The following ZNF486 variants were observed in gnomAD, a reference collection of about 807,000 sequenced individuals.
ZNF486 encodes the protein zinc finger protein 486.
ZNF486 carries 12 observed loss-of-function variants against 12.8 expected under a neutral mutation model. The ratio of observed to expected loss-of-function variants is 0.94; its 90% CI spans 0.60 to 1.52. The LOEUF is 1.52. Ranked by LOEUF, ZNF486 falls within the 40% of genes most tolerant of loss-of-function variation. The probability of loss-of-function intolerance (pLI) is 0.00; values close to 1 mark genes in which losing one functional copy is unlikely to be tolerated. For synonymous variants in ZNF486, 231 were observed against 184.9 expected (o/e 1.25, Z -2.02); for missense variants, 738 against 545.0 (o/e 1.35, Z -3.53).
intron 3 of ZNF486, among the ~76,000 whole-genome samples, chr19:20,194,555 T>A (rs1338191055): frequency 6.6e-6 from 1 of 152,220 alleles, no homozygotes; most frequent in East Asian, 1.9e-4. Context: ...GGTGAAACCC[T>A]GTTTGTACTG....
chr19:20,184,561 T>G lies in ZNF486; in HGVS notation c.157+79T>G, dbSNP rs186544497. ...CTTTTTTGCAGAATGATTTTAGTAA[T>G]TTATCCTTTGCATAAAAGAGTTCCA... On this transcript the variant is annotated intron_variant, in intron 2 of 3. Transcript: ENST00000335117. The G allele has an allele frequency of 6.7e-5, 98 of 1,462,632 alleles. No homozygotes were observed. The East Asian group carries it at 2.3e-3, about 34-fold the overall frequency. The allele number at this position is 1,462,632 out of a possible 1,614,324, so 90.6% of individuals were successfully genotyped here.
At chr19:20,182,866 G>A (rs997487972) in intron 1 of ZNF486, among the ~76,000 whole-genome samples, 1 of 152,030 alleles carries the variant, frequency 6.6e-6, no homozygotes, top group Non-Finnish European at 1.5e-5. Context: ...TTTTTCCAGA[G>A]AATCTCATCT....
intron 1 of ZNF486, among the ~76,000 whole-genome samples, chr19:20,183,866 T>C (rs1396399237): frequency 1.3e-5 from 2 of 152,142 alleles, no homozygotes; most frequent in African/African-American, 4.8e-5. Flanking sequence ...AAAATATCAT[T>C]TTTGGGACAA....
In ZNF486 at chr19:20,167,275, G is replaced by C. The variant is rs374867953; in HGVS notation, c.-56G>C. The C allele has an allele frequency of 5.6e-6, 9 of 1,606,580 alleles. No homozygotes were observed. In the African/African-American group the frequency reaches 1.2e-4, roughly 21 times the overall value. On this transcript the variant is annotated 5_prime_UTR_variant, in exon 1 of 4. Transcript: ENST00000335117. ...CGCTACTCTGTGTCCTCTGCTCCTA[G>C]AGGCCCACCCTCTGTGGCCCTGTGT...
At position 20,197,976 on chromosome 19, in the gene ZNF486, T is replaced by A. The variant is rs1555718383; in HGVS notation, c.1266T>A (p.Thr422=). 6.2e-7 allele frequency: 1 copy of A among 1,613,792 alleles called. No individual in the cohort carries two copies. Among genetic ancestry groups the A allele is most frequent in the Admixed American group, 1.7e-5 (1 of 59,956 alleles). ...CGTATACTACATCCTCAAATCTAAC[T>A]GAACATAAGACAACTCATACTGGAG... ...GKAYTTSSNL[T]EHKTTHTGEK... The change falls in exon 4 of 4, where the codon ACT becomes ACA. Residue 422 remains threonine (T), a synonymous_variant. Coordinates refer to ENST00000335117, the MANE Select transcript of ZNF486 (RefSeq NM_052852.4).
At chr19:20,173,358 C>A (rs1333347786) in intron 1 of ZNF486, among the ~76,000 whole-genome samples, 1 of 152,126 alleles carries the variant, frequency 6.6e-6, no homozygotes, top group African/African-American at 2.4e-5. Flanking sequence ...TGTCAAAAAT[C>A]TGATGATTAT....
intron 1 of ZNF486, among the ~76,000 whole-genome samples, chr19:20,178,858 A>G (rs2089753020): frequency 6.6e-6 from 1 of 152,206 alleles, no homozygotes; most frequent in Non-Finnish European, 1.5e-5. Flanking sequence ...ACAGATTCAG[A>G]GACCATGGGG....
chr19:20,171,338 T>C (rs1413979796), intron 1 of ZNF486, among the ~76,000 whole-genome samples: 17 of 152,188 alleles, frequency 1.1e-4, no homozygotes, highest in Admixed American at 1.1e-3. Flanking sequence ...CCCCCTTTTA[T>C]TGCAGCTATC....
Position 20,197,964 on chromosome 19 carries a change from C to T in ZNF486, c.1254C>T (p.Ser418=). Residue 418 remains serine (S), a synonymous_variant, in exon 4 of 4, where the codon TCC becomes TCT. Coordinates refer to ENST00000335117, the MANE Select transcript of ZNF486 (RefSeq NM_052852.4). ...CEECGKAYTT[S]SNLTEHKTTH... is the part of the protein sequence containing the mutation. The stretch of plus-strand genomic sequence containing the variant: ...AATGTGGCAAAGCGTATACTACATC[C>T]TCAAATCTAACTGAACATAAGACAA... 6.2e-7 allele frequency: 1 copy of T among 1,613,650 alleles called. No homozygotes were observed. Among genetic ancestry groups the T allele is most frequent in the Admixed American group, 1.7e-5 (1 of 59,964 alleles).
chr19:20,171,710 A>G (rs1488726554), intron 1 of ZNF486, among the ~76,000 whole-genome samples: 1 of 151,820 alleles, frequency 6.6e-6, no homozygotes, highest in Non-Finnish European at 1.5e-5. Flanking sequence ...CCCAGGAATT[A>G]TTTTTTTTCT....
intron 1 of ZNF486, chr19:20,176,206 G>A (rs1414732179): frequency 6.4e-5 from 12 of 186,132 alleles, no homozygotes; most frequent in South Asian, 8.2e-5. Flanking sequence ...GGGCAGAGGC[G>A]CTCCCCACAT....
Position 20,182,742 on chromosome 19 carries a change from C to A in ZNF486, c.31-1614C>A, listed in dbSNP as rs570944968. Among the ~76,000 whole-genome samples, 6 of 152,184 alleles carry A rather than the reference C, an allele frequency of 3.9e-5. No individual in the cohort carries two copies. In the East Asian group the frequency reaches 1.2e-3, roughly 29 times the overall value. On this transcript the variant is annotated intron_variant, in intron 1 of 3. Coordinates refer to ENST00000335117, the MANE Select transcript of ZNF486 (RefSeq NM_052852.4). ...ATTGTTCCCTGAATCTCTTCTGTTT[C>A]AAAGGACAGAAATAGGTGGGCTTTT...
At chr19:20,170,667 G>T (rs184661511) in intron 1 of ZNF486, among the ~76,000 whole-genome samples, 27 of 152,226 alleles carry the variant, frequency 1.8e-4, no homozygotes, top group African/African-American at 6.3e-4. Context: ...GTCTGGCTGT[G>T]TGACAGGTAA....
At chr19:20,178,128 A>AG (rs1555715095) in intron 1 of ZNF486, among the ~76,000 whole-genome samples, 5 of 123,264 alleles carry the variant, frequency 4.1e-5, no homozygotes, top group East Asian at 2.6e-4. Flanking sequence ...GGGTTTTACC[A>AG]TGTTGGCCAG....
intron 1 of ZNF486, among the ~76,000 whole-genome samples, chr19:20,183,000 C>T (rs2089803050): frequency 6.6e-6 from 1 of 152,132 alleles, no homozygotes; most frequent in African/African-American, 2.4e-5. Context: ...TACTCACAAA[C>T]CTTTACTTCT....
At chr19:20,187,739 G>A (rs531894776) in intron 3 of ZNF486, among the ~76,000 whole-genome samples, 3 of 151,980 alleles carry the variant, frequency 2.0e-5, no homozygotes, top group African/African-American at 7.3e-5. Flanking sequence ...TCCTGACCTC[G>A]TGATCCATCC....
At position 20,167,280 on chromosome 19, in the gene ZNF486, C is replaced by G. The variant is rs371645139; in HGVS notation, c.-51C>G. 348 of 1,612,526 alleles carry G rather than the reference C, an allele frequency of 2.2e-4. 4 individuals are homozygous for G. In the East Asian group the frequency reaches 5.3e-3, roughly 25 times the overall value. ...CTCTGTGTCCTCTGCTCCTAGAGGCCCACCCTCTGTGGCCCTGTGTCCTGT... is the reference window on the plus strand; with the variant it reads ...CTCTGTGTCCTCTGCTCCTAGAGGCGCACCCTCTGTGGCCCTGTGTCCTGT... On this transcript the variant is annotated 5_prime_UTR_variant, in exon 1 of 4. Transcript: ENST00000335117.
chr19:20,178,153 C>G (rs1013878774), intron 1 of ZNF486, among the ~76,000 whole-genome samples: 1 of 151,640 alleles, frequency 6.6e-6, no homozygotes, highest in African/African-American at 2.4e-5. Context: ...GTCTAGAACT[C>G]TTGACCTCAG....
chr19:20,182,165 T>C (rs1357253175), intron 1 of ZNF486, among the ~76,000 whole-genome samples: 2 of 152,242 alleles, frequency 1.3e-5, no homozygotes, highest in East Asian at 1.9e-4. Flanking sequence ...GACCCTGTGC[T>C]GTTCCTGCTT....
Sources: gnomAD v4.1 joint callset for allele counts (sites outside exome capture counted in the v4.1 genomes callset) on GRCh38, gnomAD v4.1.1 for gene constraint, MANE v1.5 for transcripts, NCBI Gene and HGNC (gene_info 2026-07-23, HGNC 2026-07-21) for gene names.